The following SLC25A21 variants were observed in gnomAD, a reference collection of about 807,000 sequenced individuals.
SLC25A21 encodes mitochondrial 2-oxodicarboxylate carrier.
Under a neutral mutation model 43.8 loss-of-function variants are expected in SLC25A21, and 47 were observed. The ratio of observed to expected loss-of-function variants is 1.07; its 90% confidence interval spans 0.85 to 1.37. The LOEUF (loss-of-function observed/expected upper bound fraction) is 1.37. Ranked by LOEUF, SLC25A21 falls within the 40% of genes most tolerant of loss-of-function variation. The pLI is 0.00. For missense variants in SLC25A21, 352 were observed against 350.2 expected (o/e 1.00, Z -0.04); for synonymous variants, 131 against 121.3 (o/e 1.08, Z -0.52).
chr14:36,881,924 C>G (rs562695790), intron 1 of SLC25A21, among the ~76,000 whole-genome samples: 5 of 152,158 alleles, frequency 3.3e-5, no homozygotes, highest in Admixed American at 6.5e-5. Flanking sequence ...GTTTATTTTA[C>G]TATACACAAT....
chr14:36,968,181 A>T (rs1053359469), intron 1 of SLC25A21, among the ~76,000 whole-genome samples: 1 of 152,174 alleles, frequency 6.6e-6, no homozygotes, highest in Admixed American at 6.5e-5. Flanking sequence ...TAAAGTGAAA[A>T]TGTTTCTGAA....
Position 36,679,109 on chromosome 14 carries a change from T to G in SLC25A21, c.*1549A>C, listed in dbSNP as rs1882058957. The G allele has an allele frequency of 1.0e-6, 1 of 985,296 alleles. No homozygotes were observed. 61.0% of individuals were successfully genotyped at this position (985,296 alleles called of 1,614,324 possible). ...TTCATGACCTCTATGCAGGCAGCGCTCTCATTGGATGTAAGAATATTACCT... is the reference window on the plus strand; with the variant it reads ...TTCATGACCTCTATGCAGGCAGCGCGCTCATTGGATGTAAGAATATTACCT... On this transcript the variant is annotated 3_prime_UTR_variant, in exon 10 of 10. Transcript: ENST00000331299.
intron 3 of SLC25A21, among the ~76,000 whole-genome samples, chr14:36,764,617 CAAA>C (rs56318041): frequency 8.0e-6 from 1 of 124,306 alleles, no homozygotes; most frequent in East Asian, 2.3e-4. Context: ...ACACACACTC[CAAA>C]AAAAAAAAAA....
chr14:36,825,245 TTC>T (rs1888784467), intron 2 of SLC25A21, among the ~76,000 whole-genome samples: 1 of 147,442 alleles, frequency 6.8e-6, no homozygotes, highest in Non-Finnish European at 1.5e-5. Flanking sequence ...TAGCTTCTGT[TTC>T]TCTCTCTTTC....
intron 1 of SLC25A21, among the ~76,000 whole-genome samples, chr14:36,895,314 T>C (rs940802753): frequency 3.3e-5 from 5 of 152,254 alleles, no homozygotes; most frequent in African/African-American, 1.2e-4. Flanking sequence ...CTACATTTTC[T>C]AGTTTATTTG....
chr14:36,984,030 T>C (rs181375134), intron 1 of SLC25A21, among the ~76,000 whole-genome samples: 488 of 152,260 alleles, frequency 3.2e-3, no homozygotes, highest in South Asian at 0.017. Flanking sequence ...CTATTGGGTA[T>C]AATATTCACT....
intron 7 of SLC25A21, among the ~76,000 whole-genome samples, chr14:36,690,168 C>G (rs1179773820): frequency 6.6e-6 from 1 of 152,000 alleles, no homozygotes; most frequent in South Asian, 2.1e-4. Flanking sequence ...TGCTGATAAC[C>G]ATAATAATAA....
At chr14:37,053,037 T>A (rs116564404) in intron 1 of SLC25A21, among the ~76,000 whole-genome samples, 3,973 of 152,260 alleles carry the variant, frequency 0.026, 70 homozygotes, top group Middle Eastern at 0.048. Flanking sequence ...TCACATAGAA[T>A]AAACTGCAAA....
At chr14:36,851,913 T>G (rs1002631373) in intron 2 of SLC25A21, among the ~76,000 whole-genome samples, 2 of 152,144 alleles carry the variant, frequency 1.3e-5, no homozygotes, top group Non-Finnish European at 2.9e-5. Flanking sequence ...ATCAGCTACT[T>G]TAAGGAGGTT....
chr14:36,960,949 T>C (rs148926249), intron 1 of SLC25A21, among the ~76,000 whole-genome samples: 2 of 152,216 alleles, frequency 1.3e-5, no homozygotes, highest in Non-Finnish European at 2.9e-5. Context: ...ATTGCTCATA[T>C]GGAATTCAAC....
At chr14:36,987,503 C>T (rs1214294966) in intron 1 of SLC25A21, among the ~76,000 whole-genome samples, 1 of 152,158 alleles carries the variant, frequency 6.6e-6, no homozygotes, top group Non-Finnish European at 1.5e-5. Flanking sequence ...GGGTGTCTAA[C>T]ACTTACATGG....
intron 1 of SLC25A21, among the ~76,000 whole-genome samples, chr14:36,889,338 A>G (rs1314826021): frequency 1.3e-5 from 2 of 152,236 alleles, no homozygotes; most frequent in Non-Finnish European, 2.9e-5. Context: ...GTCATGTAAA[A>G]TAAGTGCCAG....
chr14:36,726,355 C>A (rs1884599659), intron 5 of SLC25A21, among the ~76,000 whole-genome samples: 1 of 151,850 alleles, frequency 6.6e-6, no homozygotes, highest in African/African-American at 2.4e-5. Flanking sequence ...ATCACTTGAG[C>A]CTAAGAGTTC....
At chr14:36,909,158 T>C (rs1891615535) in intron 1 of SLC25A21, among the ~76,000 whole-genome samples, 1 of 152,080 alleles carries the variant, frequency 6.6e-6, no homozygotes, top group Non-Finnish European at 1.5e-5. Flanking sequence ...GGTGGTGCCA[T>C]GCACTGAAAA....
At chr14:37,020,982 T>C (rs1000322516) in intron 1 of SLC25A21, among the ~76,000 whole-genome samples, 6 of 152,016 alleles carry the variant, frequency 3.9e-5, no homozygotes, top group Admixed American at 6.6e-5. Flanking sequence ...AAGGTATACA[T>C]TTGTTAAGCC....
At chr14:37,023,510 T>G (rs2138757290) in intron 1 of SLC25A21, among the ~76,000 whole-genome samples, 1 of 152,104 alleles carries the variant, frequency 6.6e-6, no homozygotes, top group African/African-American at 2.4e-5. Context: ...GAGCATTAAC[T>G]TACCTTAGCA....
At chr14:36,889,159 T>A (rs1387371662) in intron 1 of SLC25A21, among the ~76,000 whole-genome samples, 1 of 152,186 alleles carries the variant, frequency 6.6e-6, no homozygotes, top group Admixed American at 6.5e-5. Flanking sequence ...ATATCCTTTA[T>A]CATGGTCTGG....
intron 1 of SLC25A21, among the ~76,000 whole-genome samples, chr14:36,983,764 A>G (rs1960082922): frequency 6.6e-6 from 1 of 152,186 alleles, no homozygotes; most frequent in Admixed American, 6.5e-5. Context: ...GTGGATAAAG[A>G]AAACGTGTGG....
chr14:36,678,312 T>C lies in SLC25A21; in HGVS notation c.*2346A>G. On this transcript the variant is annotated 3_prime_UTR_variant, in exon 10 of 10. Transcript: ENST00000331299. ...GTGACTGCTTTTTTCAGACAGCAGATATCTTATAGAGAGCTTTGAACTGCA... is the reference window on the plus strand; with the variant it reads ...GTGACTGCTTTTTTCAGACAGCAGACATCTTATAGAGAGCTTTGAACTGCA... 1.8e-6 allele frequency: 1 copy of C among 566,232 alleles called. No individual in the cohort carries two copies. Among genetic ancestry groups the C allele is most frequent in the East Asian group, 2.8e-5 (1 of 35,680 alleles). 35.1% of individuals were successfully genotyped at this position (566,232 alleles called of 1,614,324 possible). A position where few individuals can be genotyped will look rare whatever the true frequency, so the allele number is the denominator to read the frequency against.
Sources: allele counts gnomAD v4.1 joint callset (sites outside exome capture counted in the v4.1 genomes callset), GRCh38; gene constraint gnomAD v4.1.1; transcripts MANE v1.5; gene names NCBI Gene and HGNC (gene_info 2026-07-23, HGNC 2026-07-21).